Variants in STPG4 observed in about 807,000 individuals in gnomAD.
STPG4 encodes the protein sperm-tail PG-rich repeat containing 4, also known as protein STPG4.
STPG4 carries 41 observed loss-of-function variants against 31.5 expected under a neutral mutation model. That is an observed-to-expected ratio of 1.30 (90% CI 1.01 to 1.69). The LOEUF is 1.69. Ranked by LOEUF, STPG4 falls within the 40% of genes most tolerant of loss-of-function variation. The pLI is 0.00. For missense variants in STPG4, 375 were observed against 293.4 expected (o/e 1.28, Z -2.03); for synonymous variants, 141 against 103.0 (o/e 1.37, Z -2.24).
intron 5 of STPG4, among the ~76,000 whole-genome samples, chr2:47,119,027 G>T (rs921987845): frequency 9.2e-5 from 14 of 152,174 alleles, no homozygotes; most frequent in African/African-American, 3.4e-4. Context: ...ATGTCCTAAG[G>T]ATTACAGCAT....
At chr2:47,145,100 AG>A (rs1484072596) in intron 3 of STPG4, among the ~76,000 whole-genome samples, 1 of 152,250 alleles carries the variant, frequency 6.6e-6, no homozygotes, top group Non-Finnish European at 1.5e-5. Context: ...CTAAACTAAA[AG>A]ACAGCAAGAA....
At chr2:47,120,224 G>T (rs55763321) in intron 5 of STPG4, among the ~76,000 whole-genome samples, 1 of 152,178 alleles carries the variant, frequency 6.6e-6, no homozygotes, top group African/African-American at 2.4e-5. Flanking sequence ...CCAGCTACTA[G>T]GGAGGCTGAG....
intron 5 of STPG4, among the ~76,000 whole-genome samples, chr2:47,093,807 G>C (rs12987231): frequency 6.6e-6 from 1 of 151,940 alleles, no homozygotes; most frequent in Admixed American, 6.6e-5. Context: ...GGAGCACTGA[G>C]GAAGTGGATA....
intron 1 of STPG4, 137 bp downstream of exon 1, chr2:47,155,034 C>T: frequency 1.4e-6 from 1 of 721,764 alleles, no homozygotes; most frequent in Non-Finnish European, 2.4e-6. Context: ...TGGAGACGTG[C>T]GTGAGGGCAG....
At chr2:47,088,579 CAA>C (rs1685506516) in intron 6 of STPG4, among the ~76,000 whole-genome samples, 1 of 152,180 alleles carries the variant, frequency 6.6e-6, no homozygotes, top group African/African-American at 2.4e-5. Context: ...CTCTCTAAGA[CAA>C]AGAGGCTTGG....
chr2:47,151,022 A>G lies in STPG4; in HGVS notation c.399+236T>C, dbSNP rs534532180. ...AGGGGAATCCCACCAAGAGTTGCCC[A>G]AGAGGAAAACATTTCTCCCCATGTA... On this transcript the variant is annotated intron_variant, in intron 3 of 6. Transcript: ENST00000445927. 9.2e-5 allele frequency among the ~76,000 whole-genome samples: 14 copies of G among 152,212 alleles called. No individual in the cohort carries two copies. The South Asian group carries it at 2.3e-3, about 25-fold the overall frequency.
intron 5 of STPG4, among the ~76,000 whole-genome samples, chr2:47,093,525 T>C (rs556098692): frequency 1.6e-4 from 25 of 152,286 alleles, no homozygotes; most frequent in Admixed American, 3.3e-4. Flanking sequence ...TGTGCGACCA[T>C]TGATTCCACA....
At chr2:47,116,332 G>T (rs191258409) in intron 5 of STPG4, among the ~76,000 whole-genome samples, 1 of 152,292 alleles carries the variant, frequency 6.6e-6, no homozygotes, top group East Asian at 1.9e-4. Flanking sequence ...ATAAACAGGA[G>T]CTCCATTTAT....
chr2:47,119,917 T>G (rs1040391799), intron 5 of STPG4, among the ~76,000 whole-genome samples: 1 of 152,192 alleles, frequency 6.6e-6, no homozygotes, highest in African/African-American at 2.4e-5. Flanking sequence ...ATATGGAGGT[T>G]ATACATTGGT....
intron 5 of STPG4, among the ~76,000 whole-genome samples, chr2:47,107,893 G>C (rs975728176): frequency 1.3e-5 from 2 of 151,984 alleles, no homozygotes; most frequent in Non-Finnish European, 2.9e-5. Flanking sequence ...TCCACACTCT[G>C]TATCTAGCTA....
chr2:47,112,195 C>G (rs985718633), intron 5 of STPG4, among the ~76,000 whole-genome samples: 1 of 152,128 alleles, frequency 6.6e-6, no homozygotes, highest in African/African-American at 2.4e-5. Flanking sequence ...GAGACGGAGT[C>G]TTGCTCTGTC....
chr2:47,136,400 G>A (rs1413369373), intron 3 of STPG4, among the ~76,000 whole-genome samples: 1 of 152,038 alleles, frequency 6.6e-6, no homozygotes, highest in Non-Finnish European at 1.5e-5. Context: ...CACCCGCTTT[G>A]GCCTCCCAAA....
chr2:47,142,026 A>G lies in STPG4; in HGVS notation c.399+9232T>C, dbSNP rs560049706. Among the ~76,000 whole-genome samples the G allele has an allele frequency of 5.9e-4, 89 of 150,240 alleles. 1 individual carries two copies. The highest frequency in any genetic ancestry group is 2.1e-3 in the African/African-American group (86 of 40,714). ...TTTGGTTGATACCATGCTCAAGGAA[A>G]ACCATCCTGTTGAAAATCCCTTCAG... On this transcript the variant is annotated intron_variant, in intron 3 of 6. Coordinates refer to ENST00000445927, the MANE Select transcript of STPG4 (RefSeq NM_001163561.2).
At chr2:47,111,425 G>A (rs1352307209) in intron 5 of STPG4, among the ~76,000 whole-genome samples, 1 of 152,152 alleles carries the variant, frequency 6.6e-6, no homozygotes, top group Admixed American at 6.6e-5. Flanking sequence ...GACTTATTTA[G>A]GTCACTTATG....
intron 5 of STPG4, among the ~76,000 whole-genome samples, chr2:47,125,804 C>A (rs1436224820): frequency 6.6e-6 from 1 of 152,050 alleles, no homozygotes; most frequent in Non-Finnish European, 1.5e-5. Context: ...AGGGATCCTC[C>A]TGCCTTGGCC....
intron 5 of STPG4, among the ~76,000 whole-genome samples, chr2:47,098,757 G>GAA (rs5830939): frequency 0.19 from 26,216 of 139,660 alleles, 2,610 homozygotes; most frequent in Middle Eastern, 0.25. Flanking sequence ...CTCAAAAGAG[G>GAA]AAAAAAAAAA....
chr2:47,099,587 C>T (rs959660587), intron 5 of STPG4, among the ~76,000 whole-genome samples: 2 of 152,284 alleles, frequency 1.3e-5, no homozygotes, highest in African/African-American at 2.4e-5. Flanking sequence ...TCAGAGCCCT[C>T]GCTCGCTCTC....
chr2:47,152,909 A>G, intron 2 of STPG4, 48 bp downstream of exon 2: 1 of 1,318,566 alleles, frequency 7.6e-7, no homozygotes, highest in Non-Finnish European at 1.1e-6. Flanking sequence ...TTAAAATATT[A>G]ATGGAATAGG....
intron 3 of STPG4, 75 bp downstream of exon 3, chr2:47,151,183 C>G: frequency 6.5e-7 from 1 of 1,536,578 alleles, no homozygotes; most frequent in Non-Finnish European, 8.9e-7. Flanking sequence ...AAGATATACT[C>G]TACGTATAAA....
Sources: gnomAD v4.1 joint callset for allele counts (sites outside exome capture counted in the v4.1 genomes callset) on GRCh38, gnomAD v4.1.1 for gene constraint, MANE v1.5 for transcripts, NCBI Gene and HGNC (gene_info 2026-07-23, HGNC 2026-07-21) for gene names.